Variants in C16orf87 observed in about 807,000 individuals in gnomAD.
C16orf87 encodes the protein HDAC and MIER1 interacting protein 1.
Under a neutral mutation model 21.0 loss-of-function variants are expected in C16orf87, and 13 were observed. The ratio of observed to expected loss-of-function variants is 0.62; its 90% CI spans 0.40 to 0.98. The LOEUF (loss-of-function observed/expected upper bound fraction) is 0.98, where lower values mean the gene tolerates loss of function less well. Among genes scored for constraint, C16orf87 ranks in the 50% least tolerant of loss-of-function variants. The pLI, the probability that C16orf87 is intolerant of heterozygous loss-of-function variation, is 0.00. For missense variants in C16orf87, 113 were observed against 180.4 expected (o/e 0.63, Z 2.14); for synonymous variants, 49 against 60.2 (o/e 0.81, Z 0.86).
rs1406106592 is a variant in C16orf87 at position 46,797,111 on chromosome 16, A to T, written c.*5841T>A. ...TCTTTCATGAATTAAGGCAAAATAA[A>T]GACATTCTCAGATGAAGAAAAAATA... On this transcript the variant is annotated 3_prime_UTR_variant, in exon 4 of 4. Transcript: ENST00000285697. The T allele has an allele frequency of 6.6e-6, 1 of 152,234 alleles. No individual in the cohort carries two copies. Among genetic ancestry groups the T allele is most frequent in the Non-Finnish European group, 1.5e-5 (1 of 68,038 alleles). 9.4% of individuals were successfully genotyped at this position (152,234 alleles called of 1,614,324 possible).
intron 2 of C16orf87, among the ~76,000 whole-genome samples, chr16:46,819,035 G>A (rs1265369364): frequency 2.6e-5 from 4 of 152,190 alleles, no homozygotes; most frequent in Non-Finnish European, 2.9e-5. Flanking sequence ...TACATAGGGT[G>A]TGCCCCAAAA....
chr16:46,807,391 T>G (rs1596807504), intron 3 of C16orf87, among the ~76,000 whole-genome samples: 1 of 150,264 alleles, frequency 6.7e-6, no homozygotes, highest in Admixed American at 6.7e-5. Context: ...CACTCCAGCC[T>G]GGGTAACAGA....
In C16orf87 at chr16:46,831,015, G is replaced by GC. The variant is rs777410234; in HGVS notation, c.66+68dup. ...GCTCGGCCTCCGGGAGCCCGGCGAG[G>GC]CCCCCCTCCACAGACAACGGCCGCC... On this transcript the variant is annotated intron_variant, in intron 1 of 3. Coordinates refer to ENST00000285697, the MANE Select transcript of C16orf87 (RefSeq NM_001001436.4). The GC allele has an allele frequency of 5.4e-6, 7 of 1,293,306 alleles. No homozygotes were observed. In the African/African-American group the frequency reaches 7.6e-5, roughly 14 times the overall value. The allele number at this position is 1,293,306 out of a possible 1,614,324, so 80.1% of individuals were successfully genotyped here.
intron 2 of C16orf87, among the ~76,000 whole-genome samples, chr16:46,815,191 CAAAAAA>C (rs1968204661): frequency 6.6e-6 from 1 of 151,796 alleles, no homozygotes; most frequent in Non-Finnish European, 1.5e-5. Context: ...TCACACTAGC[CAAAAAA>C]TGAAGTTAGA....
At chr16:46,827,328 T>TA (rs1292874577) in intron 1 of C16orf87, among the ~76,000 whole-genome samples, 1 of 152,198 alleles carries the variant, frequency 6.6e-6, no homozygotes, top group Non-Finnish European at 1.5e-5. Context: ...ACAACTTCAG[T>TA]AATATTAACC....
chr16:46,829,183 C>A (rs570910930), intron 1 of C16orf87, among the ~76,000 whole-genome samples: 79 of 152,176 alleles, frequency 5.2e-4, no homozygotes, highest in Admixed American at 7.9e-4. Context: ...CCTCTTTCTG[C>A]CATGTGAGGA....
At chr16:46,803,478 T>C (rs1967835435) in intron 3 of C16orf87, among the ~76,000 whole-genome samples, 1 of 152,154 alleles carries the variant, frequency 6.6e-6, no homozygotes, top group Admixed American at 6.5e-5. Flanking sequence ...GGAAATGACA[T>C]TTATTTTTAT....
intron 2 of C16orf87, among the ~76,000 whole-genome samples, chr16:46,813,762 CT>C (rs548882029): frequency 1.3e-5 from 2 of 152,138 alleles, no homozygotes; most frequent in Non-Finnish European, 2.9e-5. Flanking sequence ...TAAGATAAGC[CT>C]TTTTTTCTCT....
At chr16:46,808,669 G>C (rs950507608) in intron 3 of C16orf87, among the ~76,000 whole-genome samples, 2 of 152,132 alleles carry the variant, frequency 1.3e-5, no homozygotes, top group Non-Finnish European at 2.9e-5. Flanking sequence ...TGTGGACATA[G>C]AGAGGTTCAT....
At chr16:46,830,897 C>T (rs1451597894) in intron 1 of C16orf87, 187 bp downstream of exon 1, 3 of 384,642 alleles carry the variant, frequency 7.8e-6, no homozygotes, top group Non-Finnish European at 1.4e-5. Flanking sequence ...GCTGGCGGGC[C>T]ACGGCCCCGG....
At chr16:46,807,064 T>C (rs751738475) in intron 3 of C16orf87, among the ~76,000 whole-genome samples, 1 of 152,212 alleles carries the variant, frequency 6.6e-6, no homozygotes, top group Non-Finnish European at 1.5e-5. Context: ...GGTATAAAAG[T>C]AAAACCGCAA....
chr16:46,799,193 A>G lies in C16orf87; in HGVS notation c.*3759T>C, dbSNP rs1279764084. On this transcript the variant is annotated 3_prime_UTR_variant, in exon 4 of 4. Transcript: ENST00000285697. Reference sequence around the variant, plus strand: ...GTCTGCTTTGTATGTTAGGATAGTTATTAGTATAGTTGTAATCTTTGAGTA... The same window carrying G: ...GTCTGCTTTGTATGTTAGGATAGTTGTTAGTATAGTTGTAATCTTTGAGTA... The G allele has an allele frequency of 6.6e-6, 1 of 152,212 alleles. No individual in the cohort carries two copies. Among genetic ancestry groups the G allele is most frequent in the Non-Finnish European group, 1.5e-5 (1 of 68,042 alleles). 9.4% of individuals were successfully genotyped at this position (152,212 alleles called of 1,614,324 possible).
At position 46,801,476 on chromosome 16, in the gene C16orf87, T is replaced by C. The variant is rs1372002429; in HGVS notation, c.*1476A>G. On this transcript the variant is annotated 3_prime_UTR_variant, in exon 4 of 4. Transcript: ENST00000285697. ...CAGAGGTTGCAGTGAGCTGAGACAG[T>C]GCCACTGCACTCCAGCCTGGGCGAC... The C allele has an allele frequency of 6.6e-6, 1 of 152,262 alleles. No individual in the cohort carries two copies. Among genetic ancestry groups the C allele is most frequent in the African/African-American group, 2.4e-5 (1 of 41,442 alleles). 9.4% of individuals were successfully genotyped at this position (152,262 alleles called of 1,614,324 possible).
At chr16:46,830,925 C>T (rs1959832907) in intron 1 of C16orf87, 159 bp downstream of exon 1, 6 of 430,206 alleles carry the variant, frequency 1.4e-5, no homozygotes, top group Non-Finnish European at 2.4e-5. Context: ...CCGGGAAACC[C>T]CTCGGTGCAG....
chr16:46,828,370 G>A (rs1312814182), intron 1 of C16orf87, among the ~76,000 whole-genome samples: 3 of 151,892 alleles, frequency 2.0e-5, no homozygotes, highest in African/African-American at 7.3e-5. Flanking sequence ...TTAAAAAAAA[G>A]CTGCTCTATT....
intron 1 of C16orf87, among the ~76,000 whole-genome samples, chr16:46,827,817 A>T (rs1959674193): frequency 6.6e-6 from 1 of 151,776 alleles, no homozygotes; most frequent in African/African-American, 2.4e-5. Flanking sequence ...TCCTGACCTC[A>T]GGTGATCCAC....
At chr16:46,830,179 C>A (rs1011990102) in intron 1 of C16orf87, among the ~76,000 whole-genome samples, 2 of 151,230 alleles carry the variant, frequency 1.3e-5, no homozygotes. Flanking sequence ...TTTTAAATTA[C>A]AACTATTACA....
intron 2 of C16orf87, among the ~76,000 whole-genome samples, chr16:46,811,516 A>G (rs1645947): frequency 1.0e-4 from 14 of 139,750 alleles, no homozygotes; most frequent in East Asian, 2.2e-4. Context: ...AAAAAAAAAA[A>G]AGAGAGAGAG....
chr16:46,819,267 T>C (rs1407716047), intron 2 of C16orf87, among the ~76,000 whole-genome samples: 2 of 152,146 alleles, frequency 1.3e-5, no homozygotes, highest in African/African-American at 4.8e-5. Flanking sequence ...TTTTCTTTTT[T>C]ACAGACAGGG....
Sources: allele counts gnomAD v4.1 joint callset (sites outside exome capture counted in the v4.1 genomes callset), GRCh38; gene constraint gnomAD v4.1.1; transcripts MANE v1.5; gene names NCBI Gene and HGNC (gene_info 2026-07-23, HGNC 2026-07-21).